Variants in CBLB observed in about 807,000 individuals in gnomAD.
CBLB encodes the protein Cbl proto-oncogene B.
Under a neutral mutation model 104.9 loss-of-function variants are expected in CBLB, and 31 were observed. That is an observed-to-expected ratio of 0.30 (90% confidence interval 0.22 to 0.40). CBLB has a LOEUF of 0.40. Among genes scored for constraint, CBLB ranks in the 10% least tolerant of loss-of-function variants. The pLI is 1.00. For missense variants in CBLB, 1,062 were observed against 1,214.6 expected, an observed-to-expected ratio of 0.87 and a Z score of 1.87; for synonymous variants, 440 against 422.6, an observed-to-expected ratio of 1.04 and a Z score of -0.51.
At chr3:105,702,487 A>G in intron 11 of CBLB, 28 bp from the exon 12 acceptor site, 1 of 1,473,172 alleles carries the variant, frequency 6.8e-7, no homozygotes. Context: ...AAAAAAAAAA[A>G]AAAAAAAAAA....
chr3:105,868,878 G>T lies in CBLB; in HGVS notation c.-157C>A. ...TCCCGAAGAAGGAGCAACCCAGCGC[G>T]CAGGCCTCCGAGACGTGGAAACGCA... is the stretch of plus-strand genomic sequence containing the variant. On this transcript the variant is annotated 5_prime_UTR_variant, in exon 1 of 19. Transcript: ENST00000394030. The T allele has an allele frequency of 9.8e-7, 1 of 1,015,692 alleles. No homozygotes were observed. The highest frequency in any genetic ancestry group is 1.1e-4 in the East Asian group (1 of 8,900). 62.9% of individuals were successfully genotyped at this position (1,015,692 alleles called of 1,614,324 possible).
chr3:105,816,885 T>C (rs770633258), intron 3 of CBLB, among the ~76,000 whole-genome samples: 14 of 150,044 alleles, frequency 9.3e-5, no homozygotes, highest in Non-Finnish European at 1.9e-4. Context: ...CAATTCTAAG[T>C]AATGTTTAAA....
chr3:105,729,616 T>C (rs1223557564), intron 9 of CBLB, among the ~76,000 whole-genome samples: 3 of 152,132 alleles, frequency 2.0e-5, no homozygotes, highest in Non-Finnish European at 2.9e-5. Context: ...CATTTCTCTA[T>C]ATATGTACAA....
chr3:105,718,161 A>G (rs1468808433), intron 10 of CBLB, among the ~76,000 whole-genome samples: 1 of 152,188 alleles, frequency 6.6e-6, no homozygotes, highest in Admixed American at 6.5e-5. Context: ...TTTCTGAGGA[A>G]TAACTACTTT....
intron 11 of CBLB, among the ~76,000 whole-genome samples, chr3:105,702,987 C>G (rs1353097787): frequency 6.6e-6 from 1 of 151,922 alleles, no homozygotes. Flanking sequence ...TCGGTTATTA[C>G]CAGAATAGTA....
chr3:105,702,796 G>A (rs1054193455), intron 11 of CBLB, among the ~76,000 whole-genome samples: 5 of 152,112 alleles, frequency 3.3e-5, no homozygotes, highest in Admixed American at 3.3e-4. Flanking sequence ...TAATTTATTT[G>A]CACATCTCTA....
intron 6 of CBLB, among the ~76,000 whole-genome samples, chr3:105,743,457 C>G (rs989100114): frequency 3.1e-5 from 3 of 98,240 alleles, no homozygotes; most frequent in Admixed American, 9.7e-5. Context: ...GAGACTCTGT[C>G]TCAAAAAAAA....
At chr3:105,685,276 T>A in intron 14 of CBLB, 44 bp downstream of exon 14, 1 of 1,516,766 alleles carries the variant, frequency 6.6e-7, no homozygotes, top group East Asian at 2.3e-5. Flanking sequence ...CAAATGATAA[T>A]GCTTATGCAG....
intron 9 of CBLB, among the ~76,000 whole-genome samples, chr3:105,727,396 G>GT (rs911889380): frequency 1.1e-4 from 16 of 150,424 alleles, no homozygotes; most frequent in African/African-American, 3.4e-4. Context: ...TTTTGACTTT[G>GT]TTTTTTTTTC....
At chr3:105,677,250 A>G (rs751275863) in intron 17 of CBLB, among the ~76,000 whole-genome samples, 39 of 152,244 alleles carry the variant, frequency 2.6e-4, no homozygotes, top group South Asian at 2.1e-3. Context: ...CTTGAAAAAT[A>G]AACCACTTTA....
chr3:105,851,375 A>AG (rs528138108), intron 3 of CBLB, among the ~76,000 whole-genome samples: 123 of 131,552 alleles, frequency 9.3e-4, no homozygotes, highest in Admixed American at 1.7e-3. Context: ...CCATGGGTTC[A>AG]GGGGGGGAAG....
chr3:105,671,810 T>C (rs934746585), intron 17 of CBLB: 4 of 195,364 alleles, frequency 2.0e-5, no homozygotes, highest in Non-Finnish European at 4.3e-5. Context: ...TTTTCATTAA[T>C]TTCAAGATTA....
At chr3:105,821,468 C>T (rs2085854170) in intron 3 of CBLB, among the ~76,000 whole-genome samples, 1 of 152,164 alleles carries the variant, frequency 6.6e-6, no homozygotes, top group Non-Finnish European at 1.5e-5. Flanking sequence ...CCAGTCTATA[C>T]AGTAAGTTAA....
intron 3 of CBLB, among the ~76,000 whole-genome samples, chr3:105,844,353 C>T (rs1490367412): frequency 6.6e-6 from 1 of 152,204 alleles, no homozygotes; most frequent in African/African-American, 2.4e-5. Flanking sequence ...TACAGTCACA[C>T]ATTTGTGATT....
intron 9 of CBLB, among the ~76,000 whole-genome samples, chr3:105,722,468 T>C (rs1250819720): frequency 6.6e-6 from 1 of 152,186 alleles, no homozygotes; most frequent in African/African-American, 2.4e-5. Context: ...CTTGTTCCTT[T>C]CACTCTTAGA....
At chr3:105,730,932 T>C (rs1327362666) in intron 9 of CBLB, among the ~76,000 whole-genome samples, 1 of 152,152 alleles carries the variant, frequency 6.6e-6, no homozygotes, top group East Asian at 1.9e-4. Flanking sequence ...AGCTTGACAA[T>C]TATGTACTTC....
At chr3:105,839,616 G>C (rs2089229359) in intron 3 of CBLB, 1 of 152,196 alleles carries the variant, frequency 6.6e-6, no homozygotes, top group Admixed American at 6.5e-5. Context: ...GAGAGTAAAA[G>C]TTTTCAGCTC....
At chr3:105,782,525 G>A (rs1274825315) in intron 3 of CBLB, among the ~76,000 whole-genome samples, 4 of 151,940 alleles carry the variant, frequency 2.6e-5, no homozygotes, top group Non-Finnish European at 4.4e-5. Flanking sequence ...AATTCTGACT[G>A]GGAGAGGTAA....
At chr3:105,692,000 T>C (rs1273261348) in intron 13 of CBLB, among the ~76,000 whole-genome samples, 3 of 152,206 alleles carry the variant, frequency 2.0e-5, no homozygotes, top group Non-Finnish European at 4.4e-5. Context: ...GTGCACACCA[T>C]TCTCTAATGA....
Sources: gnomAD v4.1 joint callset for allele counts (sites outside exome capture counted in the v4.1 genomes callset) on GRCh38, gnomAD v4.1.1 for gene constraint, MANE v1.5 for transcripts, NCBI Gene and HGNC (gene_info 2026-07-23, HGNC 2026-07-21) for gene names.